HK2: variants seen among roughly 807,000 people sequenced by gnomAD.
HK2 encodes hexokinase 2.
HK2 carries 42 observed loss-of-function variants against 92.9 expected under a neutral mutation model. That is an observed-to-expected ratio of 0.45 (90% confidence interval 0.35 to 0.58). HK2 has a LOEUF of 0.58. HK2 is among the 20% of genes least tolerant of loss of function. HK2 has a pLI of 0.00. For missense variants in HK2, 978 were observed against 1,245.1 expected (o/e 0.79, Z 3.23); for synonymous variants, 422 against 468.0 (o/e 0.90, Z 1.27).
At chr2:74,854,842 C>T (rs1457156772) in intron 2 of HK2, among the ~76,000 whole-genome samples, 1 of 152,202 alleles carries the variant, frequency 6.6e-6, no homozygotes, top group African/African-American at 2.4e-5. Context: ...CGCTCTGTGG[C>T]TCACCTGTGC....
At chr2:74,871,777 G>A (rs1294122565) in intron 3 of HK2, among the ~76,000 whole-genome samples, 3 of 152,164 alleles carry the variant, frequency 2.0e-5, no homozygotes, top group Non-Finnish European at 4.4e-5. Flanking sequence ...TTTTTGTTAA[G>A]TTGGTTCATA....
chr2:74,853,710 A>T (rs190948600), intron 1 of HK2, among the ~76,000 whole-genome samples: 6 of 150,900 alleles, frequency 4.0e-5, no homozygotes, highest in Non-Finnish European at 8.9e-5. Flanking sequence ...AAAAAAAAAG[A>T]TAAAAAGATT....
At chr2:74,864,735 G>C (rs1688907975) in intron 2 of HK2, among the ~76,000 whole-genome samples, 1 of 152,188 alleles carries the variant, frequency 6.6e-6, no homozygotes, top group Non-Finnish European at 1.5e-5. Context: ...TCAAACTCCA[G>C]ACCTCAAGTA....
At chr2:74,867,145 T>G (rs963526224) in intron 2 of HK2, among the ~76,000 whole-genome samples, 1 of 152,044 alleles carries the variant, frequency 6.6e-6, no homozygotes, top group African/African-American at 2.4e-5. Flanking sequence ...CTTATATTGT[T>G]GATTGAATTA....
chr2:74,874,601 T>G, intron 7 of HK2, 152 bp downstream of exon 7: 1 of 718,536 alleles, frequency 1.4e-6, no homozygotes, highest in Middle Eastern at 2.5e-4. Context: ...TGACTATAAA[T>G]TGCTGAGAGG....
At chr2:74,846,649 C>A (rs1264446781) in intron 1 of HK2, among the ~76,000 whole-genome samples, 1 of 152,140 alleles carries the variant, frequency 6.6e-6, no homozygotes, top group Non-Finnish European at 1.5e-5. Flanking sequence ...TCTCTTGCAC[C>A]ACTCTGGCTT....
At chr2:74,867,529 C>T (rs28362991) in intron 2 of HK2, 107 bp from the exon 3 acceptor site, 32 of 1,206,340 alleles carry the variant, frequency 2.7e-5, no homozygotes, top group Admixed American at 1.7e-4. Context: ...TCCCACTGGC[C>T]GCCCCTTACC....
chr2:74,850,284 G>A (rs1688535184), intron 1 of HK2, among the ~76,000 whole-genome samples: 1 of 152,240 alleles, frequency 6.6e-6, no homozygotes, highest in Non-Finnish European at 1.5e-5. Context: ...TGTGCAGCAA[G>A]TTTGGAAACT....
rs757344060 is a variant in HK2 at position 74,867,801 on chromosome 2, A to C, written c.375+17A>C. The C allele has an allele frequency of 3.7e-6, 6 of 1,613,776 alleles. No homozygotes were observed. The highest frequency in any genetic ancestry group is 5.1e-6 in the Non-Finnish European group (6 of 1,179,868). On this transcript the variant is annotated intron_variant, in intron 3 of 17. Coordinates refer to ENST00000290573, the MANE Select transcript of HK2 (RefSeq NM_000189.5). The stretch of plus-strand genomic sequence containing the variant: ...GGCACCCAGGTATGACCCTTCTCTC[A>C]GGGCAGCCCCTGGTGACAAAAAACT...
chr2:74,866,497 G>A (rs1157782457), intron 2 of HK2, among the ~76,000 whole-genome samples: 1 of 152,208 alleles, frequency 6.6e-6, no homozygotes, highest in Non-Finnish European at 1.5e-5. Context: ...CCCTGCTGCA[G>A]GTTCCGCGCC....
rs1220528209 is a variant in HK2 at position 74,892,941 on chromosome 2, A to C, written c.*2000A>C. 6.6e-6 allele frequency: 1 copy of C among 151,988 alleles called. No individual in the cohort carries two copies. The highest frequency in any genetic ancestry group is 3.2e-3 in the Middle Eastern group (1 of 316). 9.4% of individuals were successfully genotyped at this position (151,988 alleles called of 1,614,324 possible). Reference sequence around the variant, plus strand: ...ACAAAAGCCAAAAGGTTTCATGTAGATTTTAGTTCACTAAAGGGTGCCCAC... The same window carrying C: ...ACAAAAGCCAAAAGGTTTCATGTAGCTTTTAGTTCACTAAAGGGTGCCCAC... On this transcript the variant is annotated 3_prime_UTR_variant, in exon 18 of 18. Coordinates refer to ENST00000290573, the MANE Select transcript of HK2 (RefSeq NM_000189.5).
intron 8 of HK2, 48 bp from the exon 9 acceptor site, chr2:74,878,640 C>A: frequency 6.9e-7 from 1 of 1,449,718 alleles, no homozygotes; most frequent in Non-Finnish European, 9.5e-7. Context: ...CACACACTGG[C>A]CACAGTGGGT....
At position 74,861,208 on chromosome 2, in the gene HK2, ACTTGAGGT is replaced by A. The variant is rs1225154220; in HGVS notation, c.227-6426_227-6419del. Among the ~76,000 whole-genome samples the A allele has an allele frequency of 2.0e-5, 3 of 152,296 alleles. No individual in the cohort carries two copies. The East Asian group carries it at 5.8e-4, about 29-fold the overall frequency. On this transcript the variant is annotated intron_variant, in intron 2 of 17. Transcript: ENST00000290573. ...TTTGGGAGGCCAAGGTGGGTGGATC[ACTTGAGGT>A]CAGGACCAGCCTGGCCAACATGTTG... is the stretch of plus-strand genomic sequence containing the variant.
At chr2:74,881,399 A>G (rs1689387910) in intron 10 of HK2, among the ~76,000 whole-genome samples, 1 of 152,242 alleles carries the variant, frequency 6.6e-6, no homozygotes, top group Non-Finnish European at 1.5e-5. Flanking sequence ...ACTATCAGCC[A>G]GATCCCAATC....
At chr2:74,836,206 T>C (rs141259398) in intron 1 of HK2, among the ~76,000 whole-genome samples, 206 of 152,300 alleles carry the variant, frequency 1.4e-3, no homozygotes, top group African/African-American at 4.7e-3. Flanking sequence ...TGGAGCGTCA[T>C]TAATCTCAGG....
chr2:74,842,395 G>A (rs555781225), intron 1 of HK2, among the ~76,000 whole-genome samples: 3 of 152,310 alleles, frequency 2.0e-5, no homozygotes, highest in Admixed American at 6.5e-5. Flanking sequence ...CTTTGTGTTC[G>A]ATGGTAGGTT....
chr2:74,865,960 T>G (rs1688935771), intron 2 of HK2, among the ~76,000 whole-genome samples: 1 of 152,076 alleles, frequency 6.6e-6, no homozygotes, highest in Non-Finnish European at 1.5e-5. Context: ...TGTTCCCATT[T>G]TAGAGATGAA....
Position 74,877,334 on chromosome 2 carries a change from C to A in HK2, c.1031+13C>A. The A allele has an allele frequency of 6.2e-7, 1 of 1,613,994 alleles. No individual in the cohort carries two copies. Among genetic ancestry groups the A allele is most frequent in the Non-Finnish European group, 8.5e-7 (1 of 1,179,900 alleles). ...CAGACATTGAAGGGTGAGCTTCTGG[C>A]CAGCCCCCTCTATTTGCTGGATCAC... On this transcript the variant is annotated intron_variant, in intron 8 of 17. Transcript: ENST00000290573.
intron 1 of HK2, among the ~76,000 whole-genome samples, chr2:74,836,316 G>C (rs2103816532): frequency 6.6e-6 from 1 of 152,326 alleles, no homozygotes; most frequent in East Asian, 1.9e-4. Context: ...CCCCGTTGGA[G>C]TTATACCACT....
Sources: allele counts gnomAD v4.1 joint callset (sites outside exome capture counted in the v4.1 genomes callset), GRCh38; gene constraint gnomAD v4.1.1; transcripts MANE v1.5; gene names NCBI Gene and HGNC (gene_info 2026-07-23, HGNC 2026-07-21).